KIAA1328: variants seen among roughly 807,000 people sequenced by gnomAD.
KIAA1328 encodes the protein KIAA1328.
KIAA1328 carries 52 observed loss-of-function variants against 68.1 expected under a neutral mutation model. The ratio of observed to expected loss-of-function variants is 0.76; its 90% confidence interval spans 0.61 to 0.96. KIAA1328 has a LOEUF of 0.96. KIAA1328 is among the 40% of genes least tolerant of loss of function. The pLI is 0.00. For missense variants in KIAA1328, 641 were observed against 677.6 expected, an observed-to-expected ratio of 0.95 and a Z score of 0.60; for synonymous variants, 232 against 239.4, an observed-to-expected ratio of 0.97 and a Z score of 0.28.
chr18:36,963,722 T>A (rs903638798), intron 6 of KIAA1328, among the ~76,000 whole-genome samples: 2 of 152,190 alleles, frequency 1.3e-5, no homozygotes, highest in African/African-American at 4.8e-5. Context: ...ATGTTCTATT[T>A]ATGTACTTGC....
At chr18:36,992,451 CTTTTTT>C (rs71168252) in intron 6 of KIAA1328, among the ~76,000 whole-genome samples, 14 of 130,120 alleles carry the variant, frequency 1.1e-4, no homozygotes, top group African/African-American at 3.1e-4. Flanking sequence ...TCTTTTCTTT[CTTTTTT>C]TTTTTTTTTT....
chr18:37,156,240 C>T (rs527586197), intron 7 of KIAA1328, among the ~76,000 whole-genome samples: 2 of 151,926 alleles, frequency 1.3e-5, no homozygotes, highest in African/African-American at 4.8e-5. Flanking sequence ...AACCCCATCT[C>T]TACTAAAAAA....
At chr18:37,018,324 A>G (rs2151516495) in intron 6 of KIAA1328, among the ~76,000 whole-genome samples, 1 of 152,294 alleles carries the variant, frequency 6.6e-6, no homozygotes, top group East Asian at 1.9e-4. Context: ...GTTTCTGCAA[A>G]GAAGCCCACT....
intron 7 of KIAA1328, among the ~76,000 whole-genome samples, chr18:37,092,919 C>T (rs1425867005): frequency 6.6e-6 from 1 of 152,136 alleles, no homozygotes; most frequent in East Asian, 1.9e-4. Flanking sequence ...CTCTCAGTGC[C>T]TGAATAAATC....
chr18:36,919,181 A>G (rs2049825817), intron 5 of KIAA1328, among the ~76,000 whole-genome samples: 1 of 152,080 alleles, frequency 6.6e-6, no homozygotes, highest in Non-Finnish European at 1.5e-5. Context: ...TTTCCTCCAT[A>G]CTTGTTAATA....
At chr18:36,991,189 G>A (rs1043217871) in intron 6 of KIAA1328, among the ~76,000 whole-genome samples, 1 of 152,114 alleles carries the variant, frequency 6.6e-6, no homozygotes, top group African/African-American at 2.4e-5. Context: ...TCCTATAGTT[G>A]TGTGCTTACA....
intron 5 of KIAA1328, among the ~76,000 whole-genome samples, chr18:36,923,080 A>G (rs2049987519): frequency 6.6e-6 from 1 of 152,114 alleles, no homozygotes; most frequent in Non-Finnish European, 1.5e-5. Context: ...CAAAGAAGAA[A>G]TCCAGAGTGA....
chr18:36,964,698 A>T (rs914676406), intron 6 of KIAA1328, among the ~76,000 whole-genome samples: 1 of 152,088 alleles, frequency 6.6e-6, no homozygotes, highest in Non-Finnish European at 1.5e-5. Flanking sequence ...AGTGGGTTCT[A>T]GAGAGGTTCT....
chr18:37,194,610 T>C (rs1262119657), intron 9 of KIAA1328, among the ~76,000 whole-genome samples: 1 of 152,190 alleles, frequency 6.6e-6, no homozygotes, highest in Non-Finnish European at 1.5e-5. Flanking sequence ...TCTTTAATTA[T>C]TTCACTCTGC....
At chr18:37,002,513 C>A (rs957179054) in intron 6 of KIAA1328, among the ~76,000 whole-genome samples, 2 of 151,664 alleles carry the variant, frequency 1.3e-5, no homozygotes, top group Non-Finnish European at 2.9e-5. Flanking sequence ...GCCACTGCAC[C>A]TGGCAGGTAG....
chr18:37,169,370 T>C (rs1342231894), intron 8 of KIAA1328, among the ~76,000 whole-genome samples: 1 of 152,068 alleles, frequency 6.6e-6, no homozygotes, highest in Non-Finnish European at 1.5e-5. Context: ...TTTCACTATG[T>C]TGGCCAGGCT....
intron 6 of KIAA1328, among the ~76,000 whole-genome samples, chr18:36,990,680 A>T (rs1374357624): frequency 2.0e-5 from 3 of 151,498 alleles, no homozygotes; most frequent in Non-Finnish European, 4.4e-5. Context: ...AAATATATAT[A>T]TATATATATA....
intron 6 of KIAA1328, among the ~76,000 whole-genome samples, chr18:37,026,393 T>TA (rs1165430831): frequency 6.6e-6 from 1 of 152,156 alleles, no homozygotes; most frequent in Non-Finnish European, 1.5e-5. Flanking sequence ...ATCATCCTGA[T>TA]ACCAAAGCCT....
At chr18:37,128,089 C>T (rs1035377142) in intron 7 of KIAA1328, among the ~76,000 whole-genome samples, 1 of 151,970 alleles carries the variant, frequency 6.6e-6, no homozygotes, top group Non-Finnish European at 1.5e-5. Flanking sequence ...AATATGTAAG[C>T]TAAAAGCTAT....
At chr18:36,947,286 C>T (rs2050942702) in intron 5 of KIAA1328, among the ~76,000 whole-genome samples, 1 of 152,124 alleles carries the variant, frequency 6.6e-6, no homozygotes, top group Admixed American at 6.5e-5. Flanking sequence ...TATTATGTGC[C>T]AAATATGGGT....
chr18:36,946,414 G>C (rs11664002), intron 5 of KIAA1328: 21,419 of 152,152 alleles, frequency 0.14, 1,795 homozygotes, highest in Admixed American at 0.19. Context: ...TACGCATACC[G>C]TAAGTATGTT....
downstream of KIAA1328, chr18:37,229,440 C>A: frequency 1.8e-6 from 1 of 560,868 alleles, no homozygotes; most frequent in Non-Finnish European, 2.7e-6. Context: ...TGATTTTTTG[C>A]ACCAATAATG....
intron 4 of KIAA1328, among the ~76,000 whole-genome samples, chr18:36,883,952 G>GTATATGTGTGTATATATATATATATATA (rs540895118): frequency 2.5e-5 from 3 of 120,804 alleles, no homozygotes; most frequent in Non-Finnish European, 5.2e-5. Flanking sequence ...TATTTATAAA[G>GTATATGTGTGTATATATATATATATATA]TATATATATA....
chr18:37,032,797 A>G (rs1324119258), intron 6 of KIAA1328, among the ~76,000 whole-genome samples: 2 of 152,054 alleles, frequency 1.3e-5, no homozygotes, highest in African/African-American at 4.8e-5. Flanking sequence ...ATGTGCCATC[A>G]TGCCCAGCTA....
Sources: allele counts gnomAD v4.1 joint callset (sites outside exome capture counted in the v4.1 genomes callset), GRCh38; gene constraint gnomAD v4.1.1; transcripts MANE v1.5; gene names NCBI Gene and HGNC (gene_info 2026-07-23, HGNC 2026-07-21).